Variants in NBPF26 observed in about 807,000 individuals in gnomAD.
The protein encoded by NBPF26 is NBPF member 26.
NBPF26 carries 79 observed loss-of-function variants against 119.6 expected under a neutral mutation model. The ratio of observed to expected loss-of-function variants is 0.66; its 90% confidence interval spans 0.55 to 0.80. The LOEUF (loss-of-function observed/expected upper bound fraction) is 0.80. Ranked by LOEUF, NBPF26 falls within the 30% of genes least tolerant of loss-of-function variation. The pLI, the probability that NBPF26 is intolerant of heterozygous loss-of-function variation, is 0.00. For missense variants in NBPF26, 800 were observed against 1,198.2 expected (o/e 0.67, Z 4.91); for synonymous variants, 299 against 457.7 (o/e 0.65, Z 4.43).
intron 5 of NBPF26, among the ~76,000 whole-genome samples, chr1:120,807,353 C>T (rs1651722828): frequency 8.0e-6 from 1 of 125,186 alleles, no homozygotes; most frequent in Non-Finnish European, 1.6e-5. Context: ...TCTGACTCCA[C>T]TTCGTTGTGG....
intron 18 of NBPF26, 150 bp downstream of exon 19, chr1:120,825,067 GT>G: frequency 1.9e-6 from 1 of 536,068 alleles, no homozygotes. Flanking sequence ...TGCAGTAGAT[GT>G]TTAGGTTTCC....
In NBPF26 at chr1:120,754,783, C is replaced by A. The variant is rs1241113636; in HGVS notation, c.74-8845C>A. ...CTTCAAACAAATGGTAAGAAAGGAA[C>A]TTTCAAAACTGTTTCAGTTTTGCAA... On this transcript the variant is annotated intron_variant, in intron 1 of 29. Transcript: ENST00000620612. Among the ~76,000 whole-genome samples, 24 of 115,570 alleles carry A rather than the reference C, an allele frequency of 2.1e-4. 5 individuals are homozygous for A. The highest frequency in any genetic ancestry group is 3.5e-4 in the Non-Finnish European group (21 of 60,456). 75.8% of individuals were successfully genotyped at this position (115,570 alleles called of 152,430 possible).
At chr1:120,823,559 T>A (rs1652175091) in intron 17 of NBPF26, among the ~76,000 whole-genome samples, 199 bp downstream of exon 17, 1 of 116,122 alleles carries the variant, frequency 8.6e-6, no homozygotes, top group Non-Finnish European at 1.7e-5. Flanking sequence ...TTTACTAACC[T>A]AGTGAAAGTT....
Position 120,807,855 on chromosome 1 carries a change from C to A in NBPF26, c.1064+146C>A, listed in dbSNP as rs1252976532. ...AGGCTCGCTACACACAAATATTTAT[C>A]AAACAGAGAAGGAGGATAGTAAAAA... On this transcript the variant is annotated intron_variant, in intron 6 of 29. Coordinates refer to ENST00000620612, the Ensembl canonical transcript of NBPF26. 6.9e-5 allele frequency: 37 copies of A among 538,496 alleles called. 4 individuals carry two copies. The highest frequency in any genetic ancestry group is 1.1e-4 in the Non-Finnish European group (35 of 310,538). 33.4% of individuals were successfully genotyped at this position (538,496 alleles called of 1,614,324 possible).
chr1:120,817,084 G>A (rs1360366335), intron 14 of NBPF26, among the ~76,000 whole-genome samples: 1 of 117,568 alleles, frequency 8.5e-6, no homozygotes, highest in African/African-American at 4.9e-5. Flanking sequence ...GGCAGTATCT[G>A]TCAGGCCTCC....
intron 1 of NBPF26, among the ~76,000 whole-genome samples, chr1:120,737,583 A>G (rs1355471181): frequency 2.9e-5 from 2 of 69,104 alleles, no homozygotes; most frequent in Non-Finnish European, 5.1e-5. Flanking sequence ...ACAACAGTAG[A>G]GGAGTAGAAA....
Position 120,763,730 on chromosome 1 carries a change from A to G in NBPF26, c.155+21A>G, listed in dbSNP as rs1468606056. ...TGCAAGTAAGTTTTTCTCTTCATAT[A>G]TTTTCTTTTTGCGATAGAACACTGG... On this transcript the variant is annotated intron_variant, in intron 2 of 29. Coordinates refer to ENST00000620612, the Ensembl canonical transcript of NBPF26. The G allele has an allele frequency of 9.1e-5, 103 of 1,135,064 alleles. 16 individuals are homozygous for G. The highest frequency in any genetic ancestry group is 1.2e-4 in the Non-Finnish European group (97 of 802,822). The allele number at this position is 1,135,064 out of a possible 1,614,324, so 70.3% of individuals were successfully genotyped here. A position where few individuals can be genotyped will look rare whatever the true frequency, so the allele number is the denominator to read the frequency against.
rs1651519415 is a variant in NBPF26, at chr1:120,793,549, G to A, written c.751+53G>A. 8 of 1,104,130 alleles carry A rather than the reference G, an allele frequency of 7.2e-6. 1 individual carries two copies. Among genetic ancestry groups the A allele is most frequent in the Non-Finnish European group, 1.0e-5 (8 of 783,704 alleles). The allele number at this position is 1,104,130 out of a possible 1,614,324, so 68.4% of individuals were successfully genotyped here. The stretch of plus-strand genomic sequence containing the variant: ...TAGGGGACAAACCCCTAGCACAGGA[G>A]GTAGTGGGTGTGGCTCAATTGCATT... On this transcript the variant is annotated intron_variant, in intron 4 of 29. Coordinates refer to ENST00000620612, the Ensembl canonical transcript of NBPF26.
chr1:120,745,826 A>C (rs1175545547), intron 1 of NBPF26, among the ~76,000 whole-genome samples: 2 of 92,440 alleles, frequency 2.2e-5, no homozygotes, highest in Admixed American at 2.2e-4. Context: ...AAAAAAAAAA[A>C]AAAAAAAAAC....
intron 17 of NBPF26, among the ~76,000 whole-genome samples, 172 bp downstream of exon 17, chr1:120,823,532 T>C (rs1432355650): frequency 8.7e-6 from 1 of 114,642 alleles, no homozygotes; most frequent in Non-Finnish European, 1.7e-5. Flanking sequence ...GGTTTCCATT[T>C]CTTCCTACCC....
chr1:120,804,614 A>G (rs1651633077), intron 4 of NBPF26, among the ~76,000 whole-genome samples: 1 of 118,698 alleles, frequency 8.4e-6, no homozygotes. Context: ...GATACCTTGA[A>G]AAGAGGTCTT....
intron 9 of NBPF26, 62 bp downstream of exon 9, chr1:120,810,620 G>T: frequency 7.4e-7 from 1 of 1,342,908 alleles, no homozygotes. Flanking sequence ...CAATTCTGAG[G>T]ACAGGCTGTA....
chr1:120,815,974 G>T lies in NBPF26; in HGVS notation c.2093-111G>T. The T allele has an allele frequency of 8.4e-6, 2 of 237,976 alleles. 1 individual carries two copies. The highest frequency in any genetic ancestry group is 1.5e-5 in the Non-Finnish European group (2 of 136,070). The allele number at this position is 237,976 out of a possible 1,614,324, so 14.7% of individuals were successfully genotyped here. ...TAAAGATAAATCATGAGAGTTTTCA[G>T]TTGAACGGTGACCCATGCCTAGATG... On this transcript the variant is annotated intron_variant, in intron 12 of 29. Transcript: ENST00000620612.
At position 120,823,851 on chromosome 1, in the gene NBPF26, C is replaced by T. The variant is rs1285954588; in HGVS notation, c.2640-123C>T. The T allele has an allele frequency of 1.1e-5, 6 of 548,348 alleles. No homozygotes were observed. In the African/African-American group the frequency reaches 2.4e-4, roughly 22 times the overall value. The allele number at this position is 548,348 out of a possible 1,614,324, so 34.0% of individuals were successfully genotyped here. On this transcript the variant is annotated intron_variant, in intron 17 of 29. Transcript: ENST00000620612. ...CAACATAAAGGCAATAATCTGTTAC[C>T]TCATTAATGGATCTGTCCTTTTTCT...
At position 120,724,748 on chromosome 1, in the gene NBPF26, T is replaced by G. The variant is rs1464486548; in HGVS notation, c.73+498T>G. Among the ~76,000 whole-genome samples, 4 of 117,282 alleles carry G rather than the reference T, an allele frequency of 3.4e-5. 1 individual carries two copies. Among genetic ancestry groups the G allele is most frequent in the Non-Finnish European group, 6.8e-5 (4 of 58,992 alleles). 76.9% of individuals were successfully genotyped at this position (117,282 alleles called of 152,430 possible). A position where few individuals can be genotyped will look rare whatever the true frequency, so the allele number is the denominator to read the frequency against. On this transcript the variant is annotated intron_variant, in intron 1 of 29. Coordinates refer to ENST00000620612, the Ensembl canonical transcript of NBPF26. ...GCCAGGGGGCGGCACATGGGCCGGG[T>G]GTGTGGGCTTGGTTTGGATGGGGAC...
Position 120,724,181 on chromosome 1 carries a change from C to T in NBPF26, c.4C>T (p.Pro2Ser). Residue 2 changes from proline (P) to serine (S), a missense_variant, in exon 1 of 30, where the codon CCC (proline) becomes TCC (serine). By Grantham distance (74) the Pro-to-Ser change is moderately conservative. This residue lies in a region of NBPF26 where 209 missense variants were observed against 285.2 expected (regional missense o/e 0.73). Coordinates refer to ENST00000620612, the Ensembl canonical transcript of NBPF26. ...GGAGGAGGAGGCGACCGAGAAGATGCCCGCCCTGCGTCCCGCTCTGCTGTG... is the reference window on the plus strand; with the variant it reads ...GGAGGAGGAGGCGACCGAGAAGATGTCCGCCCTGCGTCCCGCTCTGCTGTG... 7.2e-6 allele frequency: 10 copies of T among 1,392,246 alleles called. 2 individuals carry two copies. The highest frequency in any genetic ancestry group is 5.2e-5 in the South Asian group (4 of 77,614). 86.2% of individuals were successfully genotyped at this position (1,392,246 alleles called of 1,614,324 possible).
At position 120,811,549 on chromosome 1, in the gene NBPF26, A is replaced by G. The variant is rs1651866644; in HGVS notation, c.1565-337A>G. ...GACAGAGTGAGACTCCGTCTCAAAC[A>G]AAAAAACCAAAAAAGAAAATTAAGC... On this transcript the variant is annotated intron_variant, in intron 9 of 29. Coordinates refer to ENST00000620612, the Ensembl canonical transcript of NBPF26. 1.8e-5 allele frequency among the ~76,000 whole-genome samples: 2 copies of G among 113,220 alleles called. 1 individual carries two copies. Among genetic ancestry groups the G allele is most frequent in the Non-Finnish European group, 3.5e-5 (2 of 57,966 alleles). 74.3% of individuals were successfully genotyped at this position (113,220 alleles called of 152,430 possible).
chr1:120,754,649 AT>A (rs1651061341), intron 1 of NBPF26, among the ~76,000 whole-genome samples: 1 of 106,464 alleles, frequency 9.4e-6, no homozygotes, highest in East Asian at 2.3e-4. Flanking sequence ...TATGTTTTTC[AT>A]TTAGATGTAA....
rs1376235105 is a variant in NBPF26, at chr1:120,813,444, C to G, written c.1775-447C>G. On this transcript the variant is annotated intron_variant, in intron 10 of 29. Coordinates refer to ENST00000620612, the Ensembl canonical transcript of NBPF26. ...TTTAAAAATCAAAGATTTTAAAAATCTTTCGCATACTTGTCCTTGAAATTC... is the reference window on the plus strand; with the variant it reads ...TTTAAAAATCAAAGATTTTAAAAATGTTTCGCATACTTGTCCTTGAAATTC... Among the ~76,000 whole-genome samples, 457 of 127,424 alleles carry G rather than the reference C, an allele frequency of 3.6e-3. 9 individuals are homozygous for G. Among genetic ancestry groups the G allele is most frequent in the Admixed American group, 3.9e-3 (52 of 13,386 alleles). The allele number at this position is 127,424 out of a possible 152,430, so 83.6% of individuals were successfully genotyped here. A position where few individuals can be genotyped will look rare whatever the true frequency, so the allele number is the denominator to read the frequency against.
Sources: gnomAD v4.1 joint callset for allele counts (sites outside exome capture counted in the v4.1 genomes callset) on GRCh38, gnomAD v4.1.1 for gene constraint, gnomAD v4.1.1 regional missense constraint, MANE v1.5 for transcripts, NCBI Gene and HGNC (gene_info 2026-07-23, HGNC 2026-07-21) for gene names.